Variants in SNRNP40 observed in about 807,000 individuals in gnomAD.
SNRNP40 encodes U5 small nuclear ribonucleoprotein 40 kDa protein.
A neutral mutation model predicts 45.8 loss-of-function variants in SNRNP40; 21 were observed. That is an observed-to-expected ratio of 0.46 (90% confidence interval 0.32 to 0.66). The LOEUF (loss-of-function observed/expected upper bound fraction) is 0.66, where lower values mean the gene tolerates loss of function less well. Among genes scored for constraint, SNRNP40 ranks in the 30% least tolerant of loss-of-function variants. SNRNP40 has a pLI of 0.03. For synonymous variants in SNRNP40, 142 were observed against 163.8 expected (o/e 0.87, Z 1.01); for missense variants, 344 against 439.1 (o/e 0.78, Z 1.94).
chr1:31,265,540 A>C (rs1645889932), intron 8 of SNRNP40, among the ~76,000 whole-genome samples: 1 of 152,212 alleles, frequency 6.6e-6, no homozygotes, highest in Non-Finnish European at 1.5e-5. Context: ...ATGTAAATAT[A>C]ATTTAAAAAT....
At chr1:31,268,595 G>A (rs1343796489) in intron 7 of SNRNP40, among the ~76,000 whole-genome samples, 2 of 151,672 alleles carry the variant, frequency 1.3e-5, no homozygotes, top group African/African-American at 4.8e-5. Context: ...TTTATACAGT[G>A]AAACTGAATC....
chr1:31,293,131 G>T, intron 2 of SNRNP40, 88 bp downstream of exon 2: 1 of 1,427,784 alleles, frequency 7.0e-7, no homozygotes, highest in Non-Finnish European at 9.8e-7. Flanking sequence ...CCAACATAGA[G>T]TGATACCTTC....
chr1:31,284,146 CAG>C (rs1299715003), intron 4 of SNRNP40, among the ~76,000 whole-genome samples: 1 of 152,120 alleles, frequency 6.6e-6, no homozygotes, highest in Non-Finnish European at 1.5e-5. Flanking sequence ...TCGCTTGGGC[CAG>C]AGAGGTTGAG....
rs148239502 is a variant in SNRNP40 at position 31,272,280 on chromosome 1, T to C, written c.655-781A>G. On this transcript the variant is annotated intron_variant, in intron 5 of 9. Coordinates refer to ENST00000263694, the MANE Select transcript of SNRNP40 (RefSeq NM_004814.3). ...ATGTATATATATGTACATGTATGGA[T>C]ATGTACATGCACATACACTATGGAA... is the stretch of plus-strand genomic sequence containing the variant. Among the ~76,000 whole-genome samples, 238 of 152,316 alleles carry C rather than the reference T, an allele frequency of 1.6e-3. 8 individuals are homozygous for C. In the South Asian group the frequency reaches 0.02, roughly 13 times the overall value.
chr1:31,271,616 C>T, intron 5 of SNRNP40, 117 bp from the exon 6 acceptor site: 1 of 996,048 alleles, frequency 1.0e-6, no homozygotes, highest in South Asian at 1.7e-5. Context: ...CTATAAAACA[C>T]AGGATTTCTG....
rs562108476 is a variant in SNRNP40 at position 31,280,383 on chromosome 1, C to T, written c.654+991G>A. Among the ~76,000 whole-genome samples the T allele has an allele frequency of 5.3e-5, 8 of 151,944 alleles. No individual in the cohort carries two copies. The South Asian group carries it at 1.5e-3, about 28-fold the overall frequency. ...TTCACCACATTGGCCAGGACGGTCT[C>T]GGTCTCCTGACCTTGTGATCCACCC... On this transcript the variant is annotated intron_variant, in intron 5 of 9. Transcript: ENST00000263694.
intron 3 of SNRNP40, among the ~76,000 whole-genome samples, chr1:31,289,885 T>G (rs563476707): frequency 6.6e-6 from 1 of 152,186 alleles, no homozygotes; most frequent in South Asian, 2.1e-4. Context: ...CTTTCATTTT[T>G]TTTTTGAGAT....
At chr1:31,267,186 A>G (rs867687813) in intron 8 of SNRNP40, among the ~76,000 whole-genome samples, 1 of 152,194 alleles carries the variant, frequency 6.6e-6, no homozygotes, top group African/African-American at 2.4e-5. Context: ...TGAAAATTCC[A>G]TGTGCGCAGC....
intron 8 of SNRNP40, among the ~76,000 whole-genome samples, chr1:31,265,747 G>A (rs1349931827): frequency 3.3e-5 from 5 of 152,204 alleles, no homozygotes; most frequent in Non-Finnish European, 7.3e-5. Context: ...GTCTGAGGCA[G>A]GAGAATGGTG....
intron 8 of SNRNP40, among the ~76,000 whole-genome samples, chr1:31,267,593 C>G (rs1215634927): frequency 6.6e-6 from 1 of 152,170 alleles, no homozygotes; most frequent in Non-Finnish European, 1.5e-5. Context: ...AGCAGTGCAA[C>G]GGCGTGATCT....
intron 5 of SNRNP40, among the ~76,000 whole-genome samples, chr1:31,271,846 G>C (rs113162738): frequency 6.6e-6 from 1 of 151,998 alleles, no homozygotes; most frequent in Admixed American, 6.6e-5. Context: ...ATGTTGCCCA[G>C]GCTAGTCTTG....
Position 31,293,809 on chromosome 1 carries a change from T to C in SNRNP40, c.142-461A>G, listed in dbSNP as rs1646123089. Among the ~76,000 whole-genome samples the C allele has an allele frequency of 4.6e-5, 7 of 152,318 alleles. 1 individual carries two copies. The South Asian group carries it at 1.5e-3, about 32-fold the overall frequency. On this transcript the variant is annotated intron_variant, in intron 1 of 9. Coordinates refer to ENST00000263694, the MANE Select transcript of SNRNP40 (RefSeq NM_004814.3). ...GTTGCCTAGGCTGGTCTCAAAATCC[T>C]GGCCTCCCTCCTTGGCCTCCCAAAG...
chr1:31,281,622 C>A, intron 4 of SNRNP40, 126 bp from the exon 5 acceptor site: 1 of 757,060 alleles, frequency 1.3e-6, no homozygotes, highest in Non-Finnish European at 2.0e-6. Context: ...TCCTATATCA[C>A]TAACTCCTGG....
At chr1:31,281,285 C>A in intron 5 of SNRNP40, 89 bp downstream of exon 5, 1 of 1,150,950 alleles carries the variant, frequency 8.7e-7, no homozygotes. Flanking sequence ...GTATTAAGTG[C>A]AAAGCTACCA....
rs200658041 is a variant in SNRNP40 at position 31,296,726 on chromosome 1, C to A, written c.26G>T (p.Gly9Val). ...GACTGGAACCAGCGGCAACTCTGGGCCCTTACGCTTCTGCTGTTCTATCAT... is the reference window on the plus strand; with the variant it reads ...GACTGGAACCAGCGGCAACTCTGGGACCTTACGCTTCTGCTGTTCTATCAT... MIEQQKRK[G>V]PELPLVPVKR... Residue 9 changes from glycine to valine, a missense_variant, in exon 1 of 10, where the codon GGC becomes GTC. Physicochemically the swap from Gly to Val is moderately radical, Grantham distance 109 (BLOSUM62 -3). This residue lies in a region of SNRNP40 where 90 missense variants were observed against 58.9 expected (regional missense o/e 1.53). Transcript: ENST00000263694. The A allele has an allele frequency of 3.5e-5, 57 of 1,612,180 alleles. No homozygotes were observed. The highest frequency in any genetic ancestry group is 8.4e-5 in the Admixed American group (5 of 59,610).
rs908003359 is a variant in SNRNP40 at position 31,293,355 on chromosome 1, A to G, written c.142-7T>C. 2 of 1,602,076 alleles carry G rather than the reference A, an allele frequency of 1.2e-6. No individual in the cohort carries two copies. Among genetic ancestry groups the G allele is most frequent in the Admixed American group, 1.8e-5 (1 of 56,708 alleles). ...AGGAACATCTTGGAGGTCCCTAAAC[A>G]AAAGAGAAGCACAAGGTAACTACTG... On this transcript the variant is annotated splice_region_variant and splice_polypyrimidine_tract_variant and intron_variant, in intron 1 of 9. Transcript: ENST00000263694.
intron 5 of SNRNP40, among the ~76,000 whole-genome samples, chr1:31,276,384 A>C (rs1320057095): frequency 6.6e-6 from 1 of 152,216 alleles, no homozygotes; most frequent in Non-Finnish European, 1.5e-5. Context: ...ATAAAGCAAA[A>C]AAATGGAAAG....
intron 6 of SNRNP40, among the ~76,000 whole-genome samples, chr1:31,270,261 C>T (rs931293930): frequency 2.0e-5 from 3 of 152,118 alleles, no homozygotes; most frequent in Admixed American, 2.0e-4. Flanking sequence ...TATTATGCAG[C>T]CACAAGAAAT....
At chr1:31,287,696 C>T (rs1646069516) in intron 4 of SNRNP40, among the ~76,000 whole-genome samples, 1 of 152,064 alleles carries the variant, frequency 6.6e-6, no homozygotes, top group South Asian at 2.1e-4. Context: ...TATAAGAAAA[C>T]CACTCAGTAG....
Sources: gnomAD v4.1 joint callset for allele counts (sites outside exome capture counted in the v4.1 genomes callset) on GRCh38, gnomAD v4.1.1 for gene constraint, gnomAD v4.1.1 regional missense constraint, MANE v1.5 for transcripts, NCBI Gene and HGNC (gene_info 2026-07-23, HGNC 2026-07-21) for gene names.